Variants in XKR4 observed in about 807,000 individuals in gnomAD.
XKR4 encodes the protein XK-related protein 4.
XKR4 carries 12 observed loss-of-function variants against 53.9 expected under a neutral mutation model. The ratio of observed to expected loss-of-function variants is 0.22; its 90% confidence interval spans 0.14 to 0.36. The LOEUF (loss-of-function observed/expected upper bound fraction) is 0.36. Ranked by LOEUF, XKR4 falls within the 10% of genes least tolerant of loss-of-function variation. The pLI, the probability that XKR4 is intolerant of heterozygous loss-of-function variation, is 1.00. For missense variants in XKR4, 799 were observed against 859.5 expected (o/e 0.93, Z 0.88); for synonymous variants, 354 against 362.4 (o/e 0.98, Z 0.26).
intron 2 of XKR4, among the ~76,000 whole-genome samples, chr8:55,377,316 A>C (rs1301334482): frequency 6.6e-6 from 1 of 152,106 alleles, no homozygotes; most frequent in African/African-American, 2.4e-5. Context: ...CACCTGGGAG[A>C]ATTTGCTGAG....
At chr8:55,362,937 T>C (rs115909905) in intron 2 of XKR4, among the ~76,000 whole-genome samples, 1 of 152,166 alleles carries the variant, frequency 6.6e-6, no homozygotes, top group African/African-American at 2.4e-5. Context: ...TGAGGGTGTA[T>C]AAACCACAGC....
At chr8:55,222,400 T>A (rs1314097266) in intron 1 of XKR4, among the ~76,000 whole-genome samples, 2 of 152,206 alleles carry the variant, frequency 1.3e-5, no homozygotes, top group Admixed American at 6.5e-5. Context: ...TTCACAGTTT[T>A]AAAAAAATAC....
chr8:55,399,130 A>G (rs933708493), intron 2 of XKR4, among the ~76,000 whole-genome samples: 2 of 152,164 alleles, frequency 1.3e-5, no homozygotes, highest in African/African-American at 4.8e-5. Context: ...ATTTATTTCT[A>G]GTGGGATTGG....
chr8:55,351,183 C>A (rs1458436906), intron 1 of XKR4, among the ~76,000 whole-genome samples: 1 of 151,568 alleles, frequency 6.6e-6, no homozygotes, highest in Non-Finnish European at 1.5e-5. Context: ...TATAGTTTAC[C>A]AAAATTAAAA....
intron 1 of XKR4, among the ~76,000 whole-genome samples, chr8:55,290,616 C>T (rs563970387): frequency 1.5e-4 from 23 of 152,016 alleles, no homozygotes; most frequent in Non-Finnish European, 1.9e-4. Flanking sequence ...GTGTGGTGTT[C>T]CCCTCCCTGT....
intron 1 of XKR4, among the ~76,000 whole-genome samples, chr8:55,188,018 A>G (rs764377378): frequency 2.0e-5 from 3 of 152,232 alleles, no homozygotes; most frequent in Non-Finnish European, 4.4e-5. Flanking sequence ...TCCAATGAAG[A>G]CAAAAATCAA....
Position 55,292,055 on chromosome 8 carries a change from T to G in XKR4, c.807-65623T>G, listed in dbSNP as rs138957638. On this transcript the variant is annotated intron_variant, in intron 1 of 2. Transcript: ENST00000327381. ...CATTTGTTATGGTATATAATTTTTA[T>G]ATGTATTGCTTAATTCTATTTGTGA... is the stretch of plus-strand genomic sequence containing the variant. Among the ~76,000 whole-genome samples the G allele has an allele frequency of 4.3e-3, 650 of 152,274 alleles. 9 individuals are homozygous for G. Among genetic ancestry groups the G allele is most frequent in the African/African-American group, 0.015 (605 of 41,568 alleles).
At chr8:55,342,057 C>T (rs1365623786) in intron 1 of XKR4, among the ~76,000 whole-genome samples, 2 of 152,052 alleles carry the variant, frequency 1.3e-5, no homozygotes, top group Non-Finnish European at 2.9e-5. Flanking sequence ...ATTTAAAAAG[C>T]ATGTCAAACT....
rs377114242 is a variant in XKR4 at position 55,392,149 on chromosome 8, G to A, written c.1006+34272G>A. 9.2e-5 allele frequency among the ~76,000 whole-genome samples: 14 copies of A among 152,134 alleles called. No individual in the cohort carries two copies. The East Asian group carries it at 2.7e-3, about 29-fold the overall frequency. On this transcript the variant is annotated intron_variant, in intron 2 of 2. Transcript: ENST00000327381. ...TTTCCTGAAGCTTTGTGTTTTGTAT[G>A]GATGTCCTCTAAAAAGGCATGGAAA...
Position 55,353,571 on chromosome 8 carries a change from T to C in XKR4, c.807-4107T>C, listed in dbSNP as rs376649303. On this transcript the variant is annotated intron_variant, in intron 1 of 2. Coordinates refer to ENST00000327381, the MANE Select transcript of XKR4 (RefSeq NM_052898.2). The stretch of plus-strand genomic sequence containing the variant: ...ACCGTGAGATAATAAATTTCTGTGA[T>C]TTAAACCACAGTCTGTCACACTCTG... Among the ~76,000 whole-genome samples, 4 of 152,344 alleles carry C rather than the reference T, an allele frequency of 2.6e-5. No individual in the cohort carries two copies. In the East Asian group the frequency reaches 7.7e-4, roughly 29 times the overall value.
chr8:55,319,462 GA>G (rs1296589127), intron 1 of XKR4, among the ~76,000 whole-genome samples: 1 of 152,150 alleles, frequency 6.6e-6, no homozygotes, highest in East Asian at 1.9e-4. Flanking sequence ...TTATTGCAGT[GA>G]AGTCATTTGC....
At chr8:55,258,178 G>C (rs1818467540) in intron 1 of XKR4, among the ~76,000 whole-genome samples, 1 of 152,200 alleles carries the variant, frequency 6.6e-6, no homozygotes, top group Non-Finnish European at 1.5e-5. Context: ...ACAAGGAAGG[G>C]GGACACTGGG....
At chr8:55,441,851 A>T (rs946486736) in intron 2 of XKR4, among the ~76,000 whole-genome samples, 1 of 152,186 alleles carries the variant, frequency 6.6e-6, no homozygotes, top group Admixed American at 6.5e-5. Flanking sequence ...AGGTATAGCT[A>T]AAACAGTGTT....
intron 1 of XKR4, among the ~76,000 whole-genome samples, chr8:55,305,725 T>C (rs891904583): frequency 2.6e-5 from 4 of 152,138 alleles, no homozygotes; most frequent in Non-Finnish European, 5.9e-5. Flanking sequence ...TTGGGGAAAT[T>C]AGCCTAATGA....
At chr8:55,327,195 A>G (rs1803306828) in intron 1 of XKR4, among the ~76,000 whole-genome samples, 1 of 152,162 alleles carries the variant, frequency 6.6e-6, no homozygotes, top group Non-Finnish European at 1.5e-5. Flanking sequence ...AATCATTGTA[A>G]ACAATTTATA....
At chr8:55,241,573 C>T (rs1476566510) in intron 1 of XKR4, among the ~76,000 whole-genome samples, 1 of 152,070 alleles carries the variant, frequency 6.6e-6, no homozygotes, top group Non-Finnish European at 1.5e-5. Context: ...TGTTTCCTGC[C>T]TAAAGGAGGA....
intron 1 of XKR4, among the ~76,000 whole-genome samples, chr8:55,298,237 T>C (rs1819127815): frequency 6.6e-6 from 1 of 152,152 alleles, no homozygotes; most frequent in Non-Finnish European, 1.5e-5. Context: ...TGTAAAATAA[T>C]GTAAAAACTT....
Position 55,528,628 on chromosome 8 carries a change from T to C in XKR4, c.*4401T>C, listed in dbSNP as rs1370017521. Reference sequence around the variant, plus strand: ...TCCTTAAAGCCTTTTTAAAAATAGCTCATACTGTCATTCAGATTATAGCTC... The same window carrying C: ...TCCTTAAAGCCTTTTTAAAAATAGCCCATACTGTCATTCAGATTATAGCTC... On this transcript the variant is annotated 3_prime_UTR_variant, in exon 3 of 3. Coordinates refer to ENST00000327381, the MANE Select transcript of XKR4 (RefSeq NM_052898.2). 1 of 152,220 alleles carries C rather than the reference T, an allele frequency of 6.6e-6. No homozygotes were observed. Among genetic ancestry groups the C allele is most frequent in the African/African-American group, 2.4e-5 (1 of 41,458 alleles). The allele number at this position is 152,220 out of a possible 1,614,324, so 9.4% of individuals were successfully genotyped here.
chr8:55,457,803 A>G (rs1342161428), intron 2 of XKR4, among the ~76,000 whole-genome samples: 1 of 152,234 alleles, frequency 6.6e-6, no homozygotes, highest in Non-Finnish European at 1.5e-5. Flanking sequence ...TTACATATTC[A>G]TACACACACA....
Sources: gnomAD v4.1 joint callset for allele counts (sites outside exome capture counted in the v4.1 genomes callset) on GRCh38, gnomAD v4.1.1 for gene constraint, MANE v1.5 for transcripts, NCBI Gene and HGNC (gene_info 2026-07-23, HGNC 2026-07-21) for gene names.